Variants in PKNOX2 observed in about 807,000 individuals in gnomAD.
PKNOX2 encodes the protein PBX/knotted 1 homeobox 2.
A neutral mutation model predicts 53.1 loss-of-function variants in PKNOX2; 14 were observed. The observed-to-expected ratio is 0.26, with a 90% confidence interval of 0.17 to 0.41. The LOEUF is 0.41. PKNOX2 is among the 10% of genes least tolerant of loss of function. The probability of loss-of-function intolerance (pLI) is 1.00; values close to 1 mark genes in which losing one functional copy is unlikely to be tolerated. For synonymous variants in PKNOX2, 257 were observed against 242.8 expected (o/e 1.06, Z -0.54); for missense variants, 496 against 602.8 (o/e 0.82, Z 1.85).
intron 3 of PKNOX2, among the ~76,000 whole-genome samples, chr11:125,338,705 C>T (rs550812244): frequency 6.6e-6 from 1 of 152,330 alleles, no homozygotes; most frequent in South Asian, 2.1e-4. Context: ...CCGTTCTAAG[C>T]ATCCTAATTG....
chr11:125,210,769 T>C (rs1430330786), intron 1 of PKNOX2, among the ~76,000 whole-genome samples: 1 of 152,012 alleles, frequency 6.6e-6, no homozygotes, highest in African/African-American at 2.4e-5. Flanking sequence ...AAGTGCAGAG[T>C]TCAGGATCTT....
Position 125,199,706 on chromosome 11 carries a change from T to C in PKNOX2, c.-201+34930T>C, listed in dbSNP as rs1159583839. 2.0e-5 allele frequency among the ~76,000 whole-genome samples: 3 copies of C among 152,068 alleles called. No homozygotes were observed. The East Asian group carries it at 5.8e-4, about 29-fold the overall frequency. ...TAAAAATACAAGGAAATTAGCCAGA[T>C]GTGGTGGCAGGTGCCTGTAATACCA... On this transcript the variant is annotated intron_variant, in intron 1 of 12. Transcript: ENST00000298282.
chr11:125,215,268 A>G (rs1439951897), intron 1 of PKNOX2, among the ~76,000 whole-genome samples: 2 of 152,074 alleles, frequency 1.3e-5, no homozygotes, highest in African/African-American at 2.4e-5. Context: ...AGAATGGCTG[A>G]AAGAAAGGCT....
At chr11:125,253,253 A>G (rs978114771) in intron 2 of PKNOX2, among the ~76,000 whole-genome samples, 3 of 152,218 alleles carry the variant, frequency 2.0e-5, no homozygotes, top group Admixed American at 2.0e-4. Flanking sequence ...AGGCACTTGC[A>G]TGATAGCCTC....
At chr11:125,351,423 AC>A in intron 4 of PKNOX2, 31 bp downstream of exon 4, 1 of 1,387,984 alleles carries the variant, frequency 7.2e-7, no homozygotes. Context: ...GCCTCCCACC[AC>A]GGGGGAGGGA....
intron 2 of PKNOX2, among the ~76,000 whole-genome samples, chr11:125,274,615 C>T (rs572763668): frequency 6.6e-6 from 1 of 152,370 alleles, no homozygotes; most frequent in African/African-American, 2.4e-5. Context: ...GGGGATGGAA[C>T]ATGTCGGCTG....
chr11:125,385,327 G>A (rs1953547304), intron 5 of PKNOX2, among the ~76,000 whole-genome samples: 1 of 152,220 alleles, frequency 6.6e-6, no homozygotes, highest in Non-Finnish European at 1.5e-5. Flanking sequence ...CCAGTGGGTA[G>A]GGACAGAAGC....
chr11:125,268,551 T>C (rs1375656577), intron 2 of PKNOX2, among the ~76,000 whole-genome samples: 1 of 152,134 alleles, frequency 6.6e-6, no homozygotes, highest in Non-Finnish European at 1.5e-5. Context: ...AGCTGGGAGC[T>C]GGTGTTGGTG....
Position 125,165,488 on chromosome 11 carries a change from CG to C in PKNOX2, c.-201+715del, listed in dbSNP as rs1458215327. ...GGAGATGCTTTCCAGCGGCTGGAGG[CG>C]GGAGCGGTCCCAGGCTGGGGCCAGG... On this transcript the variant is annotated intron_variant, in intron 1 of 12. Coordinates refer to ENST00000298282, the MANE Select transcript of PKNOX2 (RefSeq NM_001382323.2). The surrounding 1 kb of genome is among the most constrained non-coding windows in gnomAD (Gnocchi z 4.5). Among the ~76,000 whole-genome samples the C allele has an allele frequency of 6.6e-6, 1 of 152,098 alleles. No homozygotes were observed. The highest frequency in any genetic ancestry group is 1.5e-5 in the Non-Finnish European group (1 of 67,998).
intron 7 of PKNOX2, among the ~76,000 whole-genome samples, chr11:125,401,082 G>A (rs912050983): frequency 6.6e-6 from 1 of 152,056 alleles, no homozygotes; most frequent in Non-Finnish European, 1.5e-5. Flanking sequence ...AAAGTTGGGT[G>A]GGGGGCAGGG....
chr11:125,299,222 C>T (rs932871764), intron 2 of PKNOX2, among the ~76,000 whole-genome samples: 1 of 152,166 alleles, frequency 6.6e-6, no homozygotes, highest in Non-Finnish European at 1.5e-5. Context: ...GGGGAGAGCA[C>T]CAAGCCGTTC....
chr11:125,304,955 G>A (rs566703390), intron 2 of PKNOX2, among the ~76,000 whole-genome samples: 1 of 152,316 alleles, frequency 6.6e-6, no homozygotes, highest in Non-Finnish European at 1.5e-5. Context: ...CAGCCTATGA[G>A]GTAGTATTGT....
Position 125,432,265 on chromosome 11 carries a change from T to TGTTC in PKNOX2, c.*874_*877dup, listed in dbSNP as rs1956735156. On this transcript the variant is annotated 3_prime_UTR_variant, in exon 13 of 13. Coordinates refer to ENST00000298282, the MANE Select transcript of PKNOX2 (RefSeq NM_001382323.2). ...CAGGACAATGGTTTTTTACCCTAGATGTTCCCACCTTCAGTGCTCCACGCC... is the reference window on the plus strand; with the variant it reads ...CAGGACAATGGTTTTTTACCCTAGATGTTCGTTCCCACCTTCAGTGCTCCACGCC... 1 of 152,638 alleles carries TGTTC rather than the reference T, an allele frequency of 6.6e-6. No individual in the cohort carries two copies. Among genetic ancestry groups the TGTTC allele is most frequent in the Non-Finnish European group, 1.5e-5 (1 of 68,078 alleles). 9.5% of individuals were successfully genotyped at this position (152,638 alleles called of 1,614,324 possible).
chr11:125,389,752 C>G (rs1591553004), intron 6 of PKNOX2, among the ~76,000 whole-genome samples: 1 of 152,200 alleles, frequency 6.6e-6, no homozygotes, highest in Non-Finnish European at 1.5e-5. Context: ...AGATTTCAAA[C>G]CGTGGCTGTA....
At chr11:125,379,538 T>C (rs1198657106) in intron 5 of PKNOX2, among the ~76,000 whole-genome samples, 2 of 152,154 alleles carry the variant, frequency 1.3e-5, no homozygotes, top group Non-Finnish European at 2.9e-5. Context: ...GTTAAGAATA[T>C]CTGTCTTGAG....
intron 1 of PKNOX2, among the ~76,000 whole-genome samples, chr11:125,180,811 G>C (rs1444986141): frequency 6.6e-6 from 1 of 152,152 alleles, no homozygotes; most frequent in Non-Finnish European, 1.5e-5. Flanking sequence ...GCGGGATGTT[G>C]GTAAAGGCAG....
At chr11:125,411,462 T>TCTCTCTCTCTCTCTC (rs5742470) in intron 9 of PKNOX2, 1 of 236,510 alleles carries the variant, frequency 4.2e-6, no homozygotes, top group African/African-American at 3.8e-5. Flanking sequence ...TCCTCTGTCT[T>TCTCTCTCTCTCTCTC]TCTCTCTCTC....
chr11:125,346,672 G>C (rs1447261837), intron 3 of PKNOX2, among the ~76,000 whole-genome samples: 2 of 152,192 alleles, frequency 1.3e-5, no homozygotes, highest in Non-Finnish European at 2.9e-5. Context: ...TCATGAACAT[G>C]CTGCTTGTAT....
intron 6 of PKNOX2, among the ~76,000 whole-genome samples, chr11:125,396,322 G>GC (rs1258433165): frequency 6.6e-6 from 1 of 150,848 alleles, no homozygotes; most frequent in African/African-American, 2.4e-5. Flanking sequence ...ATTTTTTCCT[G>GC]TTTTTTTTTA....
Sources: gnomAD v4.1 joint callset for allele counts (sites outside exome capture counted in the v4.1 genomes callset) on GRCh38, gnomAD v4.1.1 for gene constraint, Gnocchi (gnomAD v3.1) non-coding constraint, MANE v1.5 for transcripts, NCBI Gene and HGNC (gene_info 2026-07-23, HGNC 2026-07-21) for gene names.